The following MTMR7 variants were observed in gnomAD, a reference collection of about 807,000 sequenced individuals.
MTMR7 encodes the protein myotubularin related protein 7.
In MTMR7, 76 loss-of-function variants were observed where a neutral mutation model predicts 81.2. That is an observed-to-expected ratio of 0.94 (90% CI 0.78 to 1.13). The LOEUF is 1.13. Among genes scored for constraint, MTMR7 ranks in the 50% most tolerant of loss-of-function variants. MTMR7 has a pLI of 0.00. For synonymous variants in MTMR7, 372 were observed against 289.8 expected (o/e 1.28, Z -2.88); for missense variants, 1,044 against 820.0 (o/e 1.27, Z -3.34).
rs896252042 is a variant in MTMR7 at position 17,299,556 on chromosome 8, A to T, written c.*306T>A. ...TTGAGAGATGCATGCTATGACAAGG[A>T]AGATAGATACTGATCACTTCAGGTA... On this transcript the variant is annotated 3_prime_UTR_variant, in exon 14 of 14. Coordinates refer to ENST00000180173, the MANE Select transcript of MTMR7 (RefSeq NM_004686.5). 3.7e-5 allele frequency: 10 copies of T among 266,844 alleles called. No individual in the cohort carries two copies. Among genetic ancestry groups the T allele is most frequent in the Non-Finnish European group, 6.4e-5 (9 of 140,338 alleles). 16.5% of individuals were successfully genotyped at this position (266,844 alleles called of 1,614,324 possible).
Position 17,349,030 on chromosome 8 carries a change from G to T in MTMR7, c.520C>A (p.His174Asn). 6.2e-7 allele frequency: 1 copy of T among 1,612,990 alleles called. No homozygotes were observed. Among genetic ancestry groups the T allele is most frequent in the Non-Finnish European group, 8.5e-7 (1 of 1,179,860 alleles). Residue 174 changes from histidine (H) to asparagine (N), a missense_variant, in exon 5 of 14, where the codon CAC (histidine) becomes AAC (asparagine). Coordinates refer to ENST00000180173, the MANE Select transcript of MTMR7 (RefSeq NM_004686.5). ...ELYVPKSATA[H>N]IIVGSSKFRS... The stretch of plus-strand genomic sequence containing the variant: ...AATTTGGAACTCCCCACTATGATGT[G>T]TGCCGTGGCCGATTTGGGAACGTAC...
chr8:17,412,453 G>C (rs894228957), intron 1 of MTMR7, among the ~76,000 whole-genome samples: 8 of 152,216 alleles, frequency 5.3e-5, no homozygotes, highest in South Asian at 2.1e-4. Flanking sequence ...CACTCGTTTA[G>C]GGTTTTTATC....
intron 5 of MTMR7, among the ~76,000 whole-genome samples, chr8:17,344,145 A>G (rs1268702479): frequency 1.3e-5 from 2 of 152,242 alleles, no homozygotes; most frequent in Non-Finnish European, 2.9e-5. Flanking sequence ...CACTTGATAC[A>G]TGAAGTGACC....
chr8:17,379,729 T>C (rs1378604199), intron 1 of MTMR7, among the ~76,000 whole-genome samples: 3 of 152,224 alleles, frequency 2.0e-5, no homozygotes, highest in Admixed American at 6.5e-5. Flanking sequence ...CAAGCACTGT[T>C]AGTCTTTTGG....
chr8:17,380,214 A>C (rs540922967), intron 1 of MTMR7, among the ~76,000 whole-genome samples: 2 of 152,326 alleles, frequency 1.3e-5, no homozygotes, highest in African/African-American at 4.8e-5. Context: ...ATATCTCATG[A>C]ATCAGGCCAA....
Position 17,373,259 on chromosome 8 carries a change from T to C in MTMR7, c.25-19A>G. 1 of 1,604,796 alleles carries C rather than the reference T, an allele frequency of 6.2e-7. No individual in the cohort carries two copies. The highest frequency in any genetic ancestry group is 2.2e-5 in the East Asian group (1 of 44,758). ...TTTCAACCTAGAGAAATCGGCATGA[T>C]GAAAAGAGTTACCGTAAAGCAGAAG... On this transcript the variant is annotated intron_variant, in intron 1 of 13. Transcript: ENST00000180173.
In MTMR7 at chr8:17,313,333, GC is replaced by G. The variant is rs1308428280; in HGVS notation, c.933del (p.Arg311SerfsTer6). On this transcript the variant is annotated frameshift_variant, in exon 8 of 14. Transcript: ENST00000180173. LOFTEE classifies it high-confidence loss of function. ...CCTGCATCCATTATGGCTTTAATGT[GC>G]CTTAACCAGCCAGAGTTCTCCAGAC... ...LWGLENSGWL[R>X]HIKAIMDAGI... is the part of the protein sequence containing the mutation. The G allele has an allele frequency of 6.2e-7, 1 of 1,613,136 alleles. No homozygotes were observed. Among genetic ancestry groups the G allele is most frequent in the African/African-American group, 1.3e-5 (1 of 75,004 alleles).
intron 1 of MTMR7, among the ~76,000 whole-genome samples, chr8:17,410,595 C>T (rs772449871): frequency 1.3e-4 from 20 of 152,124 alleles, no homozygotes; most frequent in Non-Finnish European, 2.2e-4. Flanking sequence ...CTTTTTTTTC[C>T]CCTCTAGAGG....
At chr8:17,312,326 G>A (rs973228581) in intron 8 of MTMR7, among the ~76,000 whole-genome samples, 55 of 152,272 alleles carry the variant, frequency 3.6e-4, no homozygotes, top group African/African-American at 1.3e-3. Context: ...TGTAATCCCA[G>A]CACTTTGGGA....
At chr8:17,393,022 A>C (rs1293668262) in intron 1 of MTMR7, among the ~76,000 whole-genome samples, 3 of 152,218 alleles carry the variant, frequency 2.0e-5, no homozygotes, top group Non-Finnish European at 4.4e-5. Flanking sequence ...AAAGCTTTCA[A>C]GATCATATAC....
In MTMR7 at chr8:17,300,398, C is replaced by T. The variant is rs906934094; in HGVS notation, c.1621-174G>A. Reference sequence around the variant, plus strand: ...ACGACCTTGGACAAAATCTGTGAGGCCTGCTTTATCTCTAATGTAAGGATA... The same window carrying T: ...ACGACCTTGGACAAAATCTGTGAGGTCTGCTTTATCTCTAATGTAAGGATA... On this transcript the variant is annotated intron_variant, in intron 13 of 13. Coordinates refer to ENST00000180173, the MANE Select transcript of MTMR7 (RefSeq NM_004686.5). 166 of 639,268 alleles carry T rather than the reference C, an allele frequency of 2.6e-4. 1 individual carries two copies. The highest frequency in any genetic ancestry group is 5.9e-4 in the South Asian group (28 of 47,184). The allele number at this position is 639,268 out of a possible 1,614,324, so 39.6% of individuals were successfully genotyped here. A position where few individuals can be genotyped will look rare whatever the true frequency, so the allele number is the denominator to read the frequency against.
At chr8:17,389,240 T>C (rs1322876816) in intron 1 of MTMR7, among the ~76,000 whole-genome samples, 1 of 152,218 alleles carries the variant, frequency 6.6e-6, no homozygotes, top group African/African-American at 2.4e-5. Context: ...ACCTCTCTGA[T>C]CACTACTTGG....
chr8:17,304,975 C>T (rs1017876968), intron 11 of MTMR7, among the ~76,000 whole-genome samples: 1 of 151,962 alleles, frequency 6.6e-6, no homozygotes, highest in African/African-American at 2.4e-5. Context: ...AGTGGAAAAG[C>T]CATATTCAGA....
intron 1 of MTMR7, among the ~76,000 whole-genome samples, chr8:17,386,402 C>T (rs1037430306): frequency 1.6e-4 from 24 of 152,192 alleles, no homozygotes; most frequent in African/African-American, 5.8e-4. Context: ...AAGTTCCTAA[C>T]TGGTAATACT....
Position 17,382,994 on chromosome 8 carries a change from G to A in MTMR7, c.25-9754C>T, listed in dbSNP as rs576710453. ...GGGCACCAAACTGTCAGGACAGAAT[G>A]TCTTGAGAGCGGCTGGTGTTCCTCC... On this transcript the variant is annotated intron_variant, in intron 1 of 13. Coordinates refer to ENST00000180173, the MANE Select transcript of MTMR7 (RefSeq NM_004686.5). Among the ~76,000 whole-genome samples, 118 of 151,998 alleles carry A rather than the reference G, an allele frequency of 7.8e-4. 1 individual carries two copies. The highest frequency in any genetic ancestry group is 2.7e-3 in the African/African-American group (112 of 41,340).
chr8:17,333,357 TAATAA>T (rs1819110615), intron 6 of MTMR7, among the ~76,000 whole-genome samples: 1 of 152,226 alleles, frequency 6.6e-6, no homozygotes, highest in African/African-American at 2.4e-5. Context: ...CTTCCAAAAC[TAATAA>T]AATATCACTG....
At chr8:17,330,559 C>T (rs890630154) in intron 7 of MTMR7, among the ~76,000 whole-genome samples, 2 of 152,216 alleles carry the variant, frequency 1.3e-5, no homozygotes, top group Admixed American at 6.5e-5. Context: ...ATGAATAACT[C>T]TTCTCTATTA....
intron 1 of MTMR7, among the ~76,000 whole-genome samples, chr8:17,389,062 C>T (rs10089303): frequency 0.55 from 83,198 of 151,618 alleles, 23,158 homozygotes; most frequent in Admixed American, 0.65. Context: ...TGATTGCCTG[C>T]CACAGTGCAC....
intron 1 of MTMR7, among the ~76,000 whole-genome samples, chr8:17,383,358 C>T (rs1241180593): frequency 1.3e-5 from 2 of 152,270 alleles, no homozygotes; most frequent in Middle Eastern, 3.4e-3. Flanking sequence ...AATACTTTTA[C>T]CACTGACCAC....
Sources: allele counts gnomAD v4.1 joint callset (sites outside exome capture counted in the v4.1 genomes callset), GRCh38; gene constraint gnomAD v4.1.1; transcripts MANE v1.5; gene names NCBI Gene and HGNC (gene_info 2026-07-23, HGNC 2026-07-21).